Variants in BPTF observed in about 807,000 individuals in gnomAD.
BPTF encodes the protein nucleosome-remodeling factor subunit BPTF.
Under a neutral mutation model 292.5 loss-of-function variants are expected in BPTF, and 18 were observed. That is an observed-to-expected ratio of 0.06 (90% CI 0.04 to 0.09). The LOEUF is 0.09. Ranked by LOEUF, BPTF falls within the 10% of genes least tolerant of loss-of-function variation. The pLI is 1.00. For missense variants in BPTF, 2,726 were observed against 3,498.7 expected, an observed-to-expected ratio of 0.78 and a Z score of 5.57; for synonymous variants, 1,225 against 1,251.9, an observed-to-expected ratio of 0.98 and a Z score of 0.45.
At chr17:67,837,797 A>G (rs1225728979) in intron 1 of BPTF, among the ~76,000 whole-genome samples, 1 of 152,184 alleles carries the variant, frequency 6.6e-6, no homozygotes, top group Non-Finnish European at 1.5e-5. Flanking sequence ...CTAGGCCCAG[A>G]GTCCTCTTCT....
intron 19 of BPTF, among the ~76,000 whole-genome samples, chr17:67,941,565 C>A (rs73338725): frequency 6.6e-6 from 1 of 152,120 alleles, no homozygotes. Flanking sequence ...AACATGAACC[C>A]CATGTATGTG....
chr17:67,884,331 C>A (rs1405846809), intron 4 of BPTF, among the ~76,000 whole-genome samples: 2 of 151,778 alleles, frequency 1.3e-5, no homozygotes, highest in Non-Finnish European at 2.9e-5. Flanking sequence ...CTCTCGAATG[C>A]CTGACCTCAG....
intron 20 of BPTF, among the ~76,000 whole-genome samples, 191 bp from the exon 21 acceptor site, chr17:67,945,218 G>C (rs937022141): frequency 2.0e-5 from 3 of 151,324 alleles, no homozygotes; most frequent in Non-Finnish European, 4.4e-5. Context: ...TATTTTTTTT[G>C]TTTTTGTGTA....
At chr17:67,864,189 T>G (rs1447671540) in intron 2 of BPTF, among the ~76,000 whole-genome samples, 2 of 152,120 alleles carry the variant, frequency 1.3e-5, no homozygotes, top group African/African-American at 2.4e-5. Flanking sequence ...CAAATAATTT[T>G]GATTATATAA....
At chr17:67,924,652 G>A (rs2147298824) in intron 15 of BPTF, 63 bp downstream of exon 15, 2 of 1,557,874 alleles carry the variant, frequency 1.3e-6, no homozygotes, top group Middle Eastern at 1.7e-4. Flanking sequence ...CAAAACAAAA[G>A]CACTTGACCT....
chr17:67,890,236 T>G (rs1450760578), intron 4 of BPTF, among the ~76,000 whole-genome samples: 2 of 152,222 alleles, frequency 1.3e-5, no homozygotes, highest in Non-Finnish European at 2.9e-5. Context: ...CATACACTAT[T>G]GAGAAGTCCA....
chr17:67,829,208 A>T (rs2056415808), intron 1 of BPTF, among the ~76,000 whole-genome samples: 1 of 144,512 alleles, frequency 6.9e-6, no homozygotes, highest in Admixed American at 6.8e-5. Context: ...TGCAAGAGTT[A>T]CTTTGTTTTT....
At chr17:67,880,151 C>G (rs1185109209) in intron 4 of BPTF, among the ~76,000 whole-genome samples, 1 of 151,866 alleles carries the variant, frequency 6.6e-6, no homozygotes, top group Admixed American at 6.6e-5. Context: ...CTCTATTTTT[C>G]CAATCTGGAA....
intron 2 of BPTF, among the ~76,000 whole-genome samples, chr17:67,855,963 C>T (rs1316851409): frequency 6.6e-6 from 1 of 152,190 alleles, no homozygotes; most frequent in African/African-American, 2.4e-5. Flanking sequence ...CAGTGATACG[C>T]CCTTGTGTGG....
chr17:67,828,222 G>A lies in BPTF; in HGVS notation c.613+1885G>A, dbSNP rs77928925. Among the ~76,000 whole-genome samples, 549 of 152,164 alleles carry A rather than the reference G, an allele frequency of 3.6e-3. 23 individuals are homozygous for A. In the East Asian group the frequency reaches 0.092, roughly 25 times the overall value. On this transcript the variant is annotated intron_variant, in intron 1 of 27. Transcript: ENST00000306378. ...TGGGACTACAGGTGTGAGCCACCGC[G>A]CCCAGCCTAGTACGTTTTTTATAGT...
chr17:67,964,423 C>T lies in BPTF; in HGVS notation c.8454+19C>T, dbSNP rs370631037. On this transcript the variant is annotated intron_variant, in intron 25 of 27. Transcript: ENST00000306378. ...CTTACAGGTGAGACCCCTCTGTGTG[C>T]AGCATTTCAAAATGAAATCAGCCAG... 1.3e-6 allele frequency: 2 copies of T among 1,573,424 alleles called. No homozygotes were observed. The highest frequency in any genetic ancestry group is 1.1e-5 in the South Asian group (1 of 87,322).
intron 1 of BPTF, among the ~76,000 whole-genome samples, chr17:67,851,279 T>C (rs565152207): frequency 6.6e-6 from 1 of 151,948 alleles, no homozygotes; most frequent in South Asian, 2.1e-4. Context: ...CTGCTTTTTT[T>C]TTTTTTTTTT....
In BPTF at chr17:67,921,238, A is replaced by C. The variant is rs2063415408; in HGVS notation, c.5557+1095A>C. Among the ~76,000 whole-genome samples the C allele has an allele frequency of 4.7e-5, 7 of 149,680 alleles. No individual in the cohort carries two copies. In the South Asian group the frequency reaches 1.5e-3, roughly 31 times the overall value. ...AAAAAAAAAAAAAAAAAAAAAAAGA[A>C]ATACAGGCCAGGCATGTGGCTCAAG... is the stretch of plus-strand genomic sequence containing the variant. On this transcript the variant is annotated intron_variant, in intron 13 of 27. Coordinates refer to ENST00000306378, the MANE Select transcript of BPTF (RefSeq NM_182641.4).
At position 67,948,150 on chromosome 17, in the gene BPTF, A is replaced by C; in HGVS notation, c.7770A>C (p.Ala2590=). 6.2e-7 allele frequency: 1 copy of C among 1,614,162 alleles called. No individual in the cohort carries two copies. The highest frequency in any genetic ancestry group is 1.1e-5 in the South Asian group (1 of 91,082). The change falls in exon 23 of 28, where the codon GCA becomes GCC. Residue 2590 remains alanine (A), a synonymous_variant. Coordinates refer to ENST00000306378, the MANE Select transcript of BPTF (RefSeq NM_182641.4). ...TAGATAAAGAAGAAAAACAGGCAGC[A>C]AAAAAACGGAAGCGTGAAGAGAGTG... ...DKIDKEEKQA[A]KKRKREESVE...
chr17:67,891,039 C>T (rs2061073491), intron 4 of BPTF, among the ~76,000 whole-genome samples: 1 of 152,044 alleles, frequency 6.6e-6, no homozygotes, highest in Admixed American at 6.6e-5. Flanking sequence ...AAAAATTAGT[C>T]AGGTGTGCTG....
chr17:67,886,548 A>G (rs2060769091), intron 4 of BPTF, among the ~76,000 whole-genome samples: 1 of 152,112 alleles, frequency 6.6e-6, no homozygotes, highest in Non-Finnish European at 1.5e-5. Flanking sequence ...ACAAAAGCAC[A>G]CAGAGCAGGG....
rs140673996 is a variant in BPTF at position 67,911,900 on chromosome 17, G to A, written c.4016G>A (p.Gly1339Asp). 9 of 1,614,082 alleles carry A rather than the reference G, an allele frequency of 5.6e-6. No homozygotes were observed. The highest frequency in any genetic ancestry group is 2.2e-5 in the East Asian group (1 of 44,882). The change falls in exon 11 of 28, where the codon GGT becomes GAT. Residue 1339 changes from glycine to aspartate, a missense_variant. By Grantham distance (94) the Gly-to-Asp change is moderately conservative. This residue lies in a region of BPTF where 713 missense variants were observed against 714.9 expected (regional missense o/e 1.00). Coordinates refer to ENST00000306378, the MANE Select transcript of BPTF (RefSeq NM_182641.4). ...CCGTTAAAGTGTGAGTTGGTTTCTG[G>A]TGAGTCCACTGGAAACTGTGAGGAC... ...LEPLKCELVS[G>D]ESTGNCEDRL...
intron 27 of BPTF, among the ~76,000 whole-genome samples, chr17:67,978,303 TATA>T (rs782213170): frequency 2.1e-5 from 2 of 95,596 alleles, no homozygotes; most frequent in Non-Finnish European, 3.0e-5. Context: ...TATATATATA[TATA>T]TATTTTTTTT....
At chr17:67,923,308 T>G (rs568477368) in intron 14 of BPTF, among the ~76,000 whole-genome samples, 3 of 151,596 alleles carry the variant, frequency 2.0e-5, no homozygotes, top group East Asian at 1.9e-4. Flanking sequence ...TCCACCCAAC[T>G]TGGCCTCCCA....
Sources: allele counts gnomAD v4.1 joint callset (sites outside exome capture counted in the v4.1 genomes callset), GRCh38; gene constraint gnomAD v4.1.1; regional missense constraint gnomAD v4.1.1; transcripts MANE v1.5; gene names NCBI Gene and HGNC (gene_info 2026-07-23, HGNC 2026-07-21).